The following GRIK4 variants were observed in gnomAD, a reference collection of about 807,000 sequenced individuals.
The protein encoded by GRIK4 is glutamate receptor ionotropic, kainate 4.
A neutral mutation model predicts 104.9 loss-of-function variants in GRIK4; 40 were observed. That is an observed-to-expected ratio of 0.38 (90% CI 0.30 to 0.50). GRIK4 has a LOEUF of 0.50. Ranked by LOEUF, GRIK4 falls within the 20% of genes least tolerant of loss-of-function variation. GRIK4 has a pLI of 0.93. For missense variants in GRIK4, 1,047 were observed against 1,308.1 expected (o/e 0.80, Z 3.08); for synonymous variants, 485 against 524.9 (o/e 0.92, Z 1.04).
chr11:120,832,862 G>A (rs185426197), intron 7 of GRIK4, among the ~76,000 whole-genome samples: 2 of 152,200 alleles, frequency 1.3e-5, no homozygotes, highest in African/African-American at 2.4e-5. Flanking sequence ...TTCCTGGGCT[G>A]GTGGCTGGGC....
At chr11:120,667,053 A>G (rs1949926819) in intron 3 of GRIK4, among the ~76,000 whole-genome samples, 1 of 152,202 alleles carries the variant, frequency 6.6e-6, no homozygotes, top group Admixed American at 6.5e-5. Flanking sequence ...AGGGGGCCAC[A>G]CAGGTCGGAC....
chr11:120,750,038 G>A (rs761716547), intron 3 of GRIK4, among the ~76,000 whole-genome samples: 5 of 152,082 alleles, frequency 3.3e-5, no homozygotes, highest in East Asian at 1.9e-4. Context: ...GAGCCTCAGA[G>A]GTCCTGGTTT....
Position 120,746,811 on chromosome 11 carries a change from C to T in GRIK4, c.83-55882C>T, listed in dbSNP as rs145548976. Among the ~76,000 whole-genome samples the T allele has an allele frequency of 2.5e-3, 378 of 152,296 alleles. 1 individual carries two copies. The highest frequency in any genetic ancestry group is 8.6e-3 in the African/African-American group (359 of 41,564). ...TCCCATCTTTTCTAAGCACGTCACT[C>T]AGTAGGATTTCAAATACAGACAACT... On this transcript the variant is annotated intron_variant, in intron 3 of 20. Transcript: ENST00000527524.
intron 3 of GRIK4, among the ~76,000 whole-genome samples, chr11:120,699,317 A>G (rs1315862635): frequency 6.6e-6 from 1 of 152,226 alleles, no homozygotes; most frequent in Non-Finnish European, 1.5e-5. Flanking sequence ...GCTCTTGAGC[A>G]TGGAGGGCTG....
At chr11:120,845,579 C>G (rs1591983964) in intron 8 of GRIK4, among the ~76,000 whole-genome samples, 1 of 151,864 alleles carries the variant, frequency 6.6e-6, no homozygotes, top group Non-Finnish European at 1.5e-5. Flanking sequence ...GATGCTTGAG[C>G]CTTTCAGTTC....
chr11:120,705,470 C>T (rs1950614544), intron 3 of GRIK4, among the ~76,000 whole-genome samples: 1 of 152,110 alleles, frequency 6.6e-6, no homozygotes, highest in Non-Finnish European at 1.5e-5. Context: ...AGGTGATTTG[C>T]CCACCTTGGA....
intron 4 of GRIK4, among the ~76,000 whole-genome samples, chr11:120,809,067 G>A (rs532690432): frequency 2.0e-3 from 312 of 152,216 alleles, no homozygotes; most frequent in African/African-American, 7.0e-3. Context: ...AACCATCTGC[G>A]ACACAGCCTC....
intron 3 of GRIK4, among the ~76,000 whole-genome samples, chr11:120,687,858 G>T (rs1950299549): frequency 6.6e-6 from 1 of 152,152 alleles, no homozygotes; most frequent in South Asian, 2.1e-4. Context: ...TAGTCTTGCT[G>T]TTCAGTGCCT....
chr11:120,524,988 G>A lies in GRIK4; in HGVS notation c.-159+13101G>A. Among the ~76,000 whole-genome samples the A allele has an allele frequency of 6.6e-6, 1 of 152,126 alleles. No homozygotes were observed. Among genetic ancestry groups the A allele is most frequent in the East Asian group, 1.9e-4 (1 of 5,186 alleles). On this transcript the variant is annotated intron_variant, in intron 1 of 20. Coordinates refer to ENST00000527524, the MANE Select transcript of GRIK4 (RefSeq NM_014619.5). The surrounding 1 kb of genome is among the most constrained non-coding windows in gnomAD (Gnocchi z 4.5). Reference sequence around the variant, plus strand: ...GCCCATCAGGGGCTGCACCATGAATGCCCAGTGACTCTGGACCTCCCTGGT... The same window carrying A: ...GCCCATCAGGGGCTGCACCATGAATACCCAGTGACTCTGGACCTCCCTGGT...
intron 3 of GRIK4, among the ~76,000 whole-genome samples, chr11:120,664,154 T>C (rs1949865564): frequency 1.3e-5 from 2 of 152,220 alleles, no homozygotes; most frequent in African/African-American, 4.8e-5. Flanking sequence ...GGTATCATTG[T>C]TTTAAATGGC....
intron 14 of GRIK4, among the ~76,000 whole-genome samples, chr11:120,944,717 A>G (rs1471224405): frequency 6.6e-6 from 1 of 152,232 alleles, no homozygotes; most frequent in Non-Finnish European, 1.5e-5. Flanking sequence ...GGCCACAGTC[A>G]TTATAAGCAT....
At chr11:120,526,007 C>T (rs1018240539) in intron 1 of GRIK4, among the ~76,000 whole-genome samples, 2 of 152,158 alleles carry the variant, frequency 1.3e-5, no homozygotes, top group Non-Finnish European at 2.9e-5. Context: ...AAGGTGTTTT[C>T]AGTACGTACT....
Position 120,905,339 on chromosome 11 carries a change from A to G in GRIK4, c.1322A>G (p.Asn441Ser), listed in dbSNP as rs958375675. 3.7e-6 allele frequency: 6 copies of G among 1,614,038 alleles called. No homozygotes were observed. The highest frequency in any genetic ancestry group is 5.1e-6 in the Non-Finnish European group (6 of 1,179,976). Residue 441 changes from asparagine to serine, a missense_variant, in exon 13 of 21, where the codon AAT becomes AGT. Physicochemically the swap from Asn to Ser is conservative, Grantham distance 46. Around this residue, in one of 3 missense-constraint regions of GRIK4, gnomAD observed 440 missense variants for 652.3 expected, o/e 0.67. Coordinates refer to ENST00000527524, the MANE Select transcript of GRIK4 (RefSeq NM_014619.5). The surrounding 1 kb of genome is among the most constrained non-coding windows in gnomAD (Gnocchi z 5.1). ...LKGNHQEMEGNDRYEGFCVDM... is the reference protein window; with the variant it reads ...LKGNHQEMEGSDRYEGFCVDM... Reference sequence around the variant, plus strand: ...GGGAACCACCAGGAGATGGAAGGCAATGACCGCTACGAGGGCTTCTGTGTG... The same window carrying G: ...GGGAACCACCAGGAGATGGAAGGCAGTGACCGCTACGAGGGCTTCTGTGTG...
chr11:120,947,385 G>C (rs1304284593), intron 14 of GRIK4, among the ~76,000 whole-genome samples: 14 of 144,272 alleles, frequency 9.7e-5, no homozygotes, highest in African/African-American at 3.3e-4. Context: ...CTGGGCAACA[G>C]AGTGAGACTC....
chr11:120,568,733 C>T (rs994547814), intron 1 of GRIK4, among the ~76,000 whole-genome samples: 2 of 152,160 alleles, frequency 1.3e-5, no homozygotes, highest in Non-Finnish European at 2.9e-5. Flanking sequence ...TAAGTCTCAC[C>T]TCTCCTCTTG....
At chr11:120,957,048 C>T in intron 16 of GRIK4, 95 bp downstream of exon 16, 1 of 1,107,242 alleles carries the variant, frequency 9.0e-7, no homozygotes, top group Non-Finnish European at 1.3e-6. Flanking sequence ...AGCCCCAGAG[C>T]CTCTGCCTCT....
intron 3 of GRIK4, among the ~76,000 whole-genome samples, chr11:120,767,410 T>C (rs949621481): frequency 5.9e-5 from 9 of 152,218 alleles, no homozygotes; most frequent in African/African-American, 2.2e-4. Context: ...TTTTCTGCTA[T>C]TAATTTATAA....
In GRIK4 at chr11:120,939,760, T is replaced by A. The variant is rs1943675858; in HGVS notation, c.1477-587T>A. ...ACTTTGGGAGGCCAGGGCGGGCAGA[T>A]CACGGGGTCAGGAGTTTGAGACCAG... On this transcript the variant is annotated intron_variant, in intron 13 of 20. Transcript: ENST00000527524. This position sits in a 1 kb window ranked among gnomAD's most constrained non-coding sequence, Gnocchi z 5.6. Among the ~76,000 whole-genome samples the A allele has an allele frequency of 6.6e-6, 1 of 152,114 alleles. No individual in the cohort carries two copies. The highest frequency in any genetic ancestry group is 1.5e-5 in the Non-Finnish European group (1 of 68,016).
intron 3 of GRIK4, among the ~76,000 whole-genome samples, chr11:120,753,850 T>G (rs1951605154): frequency 1.3e-5 from 2 of 152,158 alleles, no homozygotes; most frequent in Admixed American, 1.3e-4. Context: ...TGTAATGGTT[T>G]TTAATGTATT....
Sources: allele counts gnomAD v4.1 joint callset (sites outside exome capture counted in the v4.1 genomes callset), GRCh38; gene constraint gnomAD v4.1.1; regional missense constraint gnomAD v4.1.1; non-coding constraint Gnocchi (gnomAD v3.1); transcripts MANE v1.5; gene names NCBI Gene and HGNC (gene_info 2026-07-23, HGNC 2026-07-21).